The following ZNF704 variants were observed in gnomAD, a reference collection of about 807,000 sequenced individuals.
ZNF704 encodes glucocorticoid induced gene 1.
A neutral mutation model predicts 44.7 loss-of-function variants in ZNF704; 10 were observed. The observed-to-expected ratio is 0.22, with a 90% confidence interval of 0.14 to 0.38. The LOEUF (loss-of-function observed/expected upper bound fraction) is 0.38, where lower values mean the gene tolerates loss of function less well. Among genes scored for constraint, ZNF704 ranks in the 10% least tolerant of loss-of-function variants. The probability of loss-of-function intolerance (pLI) is 1.00; values close to 1 mark genes in which losing one functional copy is unlikely to be tolerated. For synonymous variants in ZNF704, 211 were observed against 207.6 expected (o/e 1.02, Z -0.14); for missense variants, 390 against 545.5 (o/e 0.71, Z 2.84).
rs1204989363 is a variant in ZNF704 at position 80,635,110 on chromosome 8, T to C, written c.*6256A>G. 1 of 152,230 alleles carries C rather than the reference T, an allele frequency of 6.6e-6. No homozygotes were observed. Among genetic ancestry groups the C allele is most frequent in the East Asian group, 1.9e-4 (1 of 5,202 alleles). 9.4% of individuals were successfully genotyped at this position (152,230 alleles called of 1,614,324 possible). On this transcript the variant is annotated 3_prime_UTR_variant, in exon 9 of 9. Coordinates refer to ENST00000327835, the MANE Select transcript of ZNF704 (RefSeq NM_001033723.3). Reference sequence around the variant, plus strand: ...TGTTCTATCTCAGCTTTGCTTTTGATGTTATCTGCATACTTGGCTAATTAG... The same window carrying C: ...TGTTCTATCTCAGCTTTGCTTTTGACGTTATCTGCATACTTGGCTAATTAG...
intron 1 of ZNF704, among the ~76,000 whole-genome samples, chr8:80,824,420 G>A (rs1371075290): frequency 2.0e-5 from 3 of 152,168 alleles, no homozygotes; most frequent in African/African-American, 7.2e-5. Flanking sequence ...AGAAATATGG[G>A]ACTATGTGAA....
intron 1 of ZNF704, among the ~76,000 whole-genome samples, chr8:80,833,806 CAT>C (rs1465902442): frequency 6.6e-6 from 1 of 152,102 alleles, no homozygotes; most frequent in Non-Finnish European, 1.5e-5. Flanking sequence ...CTGGTTTAAT[CAT>C]AGGGCTGCCA....
intron 1 of ZNF704, among the ~76,000 whole-genome samples, chr8:80,843,971 GTATATATA>G (rs143495397): frequency 1.4e-5 from 2 of 143,282 alleles, no homozygotes; most frequent in African/African-American, 5.1e-5. Context: ...ATATATATGT[GTATATATA>G]TATATATATA....
At chr8:80,661,200 A>G (rs1018787204) in intron 6 of ZNF704, among the ~76,000 whole-genome samples, 3 of 152,204 alleles carry the variant, frequency 2.0e-5, no homozygotes, top group Non-Finnish European at 4.4e-5. Context: ...AAAATGCTCA[A>G]CGTCACTAAT....
chr8:80,641,608 C>CT, intron 8 of ZNF704, 131 bp from the exon 9 acceptor site: 1 of 525,160 alleles, frequency 1.9e-6, no homozygotes, highest in Non-Finnish European at 3.3e-6. Context: ...TGGCTCATGC[C>CT]TGTAATCCCA....
chr8:80,720,799 G>C (rs890479304), intron 2 of ZNF704, among the ~76,000 whole-genome samples: 2 of 152,210 alleles, frequency 1.3e-5, no homozygotes, highest in Non-Finnish European at 2.9e-5. Context: ...ACAGCCACTT[G>C]GAAGCTTAAA....
chr8:80,806,413 C>A (rs1438309393), intron 2 of ZNF704, among the ~76,000 whole-genome samples: 1 of 152,110 alleles, frequency 6.6e-6, no homozygotes, highest in East Asian at 1.9e-4. Context: ...TGTTTTACAG[C>A]TATTATCTGG....
chr8:80,652,011 A>T (rs1286923074), intron 7 of ZNF704, among the ~76,000 whole-genome samples: 3 of 152,060 alleles, frequency 2.0e-5, no homozygotes, highest in Non-Finnish European at 4.4e-5. Context: ...GGATTAAGAA[A>T]CTCACTCAAA....
chr8:80,663,328 T>G (rs1057016204), intron 6 of ZNF704, among the ~76,000 whole-genome samples: 1 of 149,676 alleles, frequency 6.7e-6, no homozygotes, highest in Non-Finnish European at 1.5e-5. Context: ...CTGCAGTGAA[T>G]TGCACTCCAG....
chr8:80,820,922 A>AT (rs1389017256), intron 2 of ZNF704, among the ~76,000 whole-genome samples: 1 of 152,138 alleles, frequency 6.6e-6, no homozygotes, highest in Non-Finnish European at 1.5e-5. Flanking sequence ...GAAAAAAAAA[A>AT]AAAGTAAAAC....
At chr8:80,664,705 G>A (rs1354679297) in intron 6 of ZNF704, 110 bp downstream of exon 6, 15 of 1,334,178 alleles carry the variant, frequency 1.1e-5, no homozygotes, top group Non-Finnish European at 1.6e-5. Context: ...CTACCGGGCT[G>A]CCGTGTGTGA....
At chr8:80,672,743 G>A (rs1007933965) in intron 4 of ZNF704, among the ~76,000 whole-genome samples, 3 of 152,120 alleles carry the variant, frequency 2.0e-5, no homozygotes, top group Non-Finnish European at 4.4e-5. Context: ...GGAAATAACA[G>A]ACACTGGGGA....
chr8:80,841,161 C>T (rs1207858445), intron 1 of ZNF704, among the ~76,000 whole-genome samples: 1 of 152,234 alleles, frequency 6.6e-6, no homozygotes, highest in African/African-American at 2.4e-5. Context: ...ACCTTTGCCA[C>T]TGTGTTTGCC....
Position 80,641,299 on chromosome 8 carries a change from AAC to A in ZNF704, c.*65_*66del. ...TTATTCAGTAGGAAAAGCTCTTTCCAACACCTGCAGTGGCAGGCCAGGGCAGG... is the reference window on the plus strand; with the variant it reads ...TTATTCAGTAGGAAAAGCTCTTTCCAACCTGCAGTGGCAGGCCAGGGCAGG... On this transcript the variant is annotated 3_prime_UTR_variant, in exon 9 of 9. Coordinates refer to ENST00000327835, the MANE Select transcript of ZNF704 (RefSeq NM_001033723.3). 9.0e-7 allele frequency: 1 copy of A among 1,108,420 alleles called. No individual in the cohort carries two copies. Among genetic ancestry groups the A allele is most frequent in the East Asian group, 2.5e-5 (1 of 40,200 alleles). The allele number at this position is 1,108,420 out of a possible 1,614,324, so 68.7% of individuals were successfully genotyped here.
rs1049645858 is a variant in ZNF704 at position 80,691,821 on chromosome 8, T to C, written c.325+1183A>G. ...GCAACTTCAGCTCTTGAACCAAACA[T>C]TTGCCAATACATCTCTTCCTGTGCG... On this transcript the variant is annotated intron_variant, in intron 3 of 8. Coordinates refer to ENST00000327835, the MANE Select transcript of ZNF704 (RefSeq NM_001033723.3). Among the ~76,000 whole-genome samples the C allele has an allele frequency of 4.6e-5, 7 of 152,286 alleles. No individual in the cohort carries two copies. The South Asian group carries it at 6.2e-4, about 14-fold the overall frequency.
intron 2 of ZNF704, among the ~76,000 whole-genome samples, chr8:80,796,650 T>C (rs759779417): frequency 2.0e-5 from 3 of 152,206 alleles, no homozygotes; most frequent in Admixed American, 1.3e-4. Context: ...AAATAAGTTA[T>C]CTACTTCCAA....
chr8:80,709,923 CA>C (rs1818959139), intron 2 of ZNF704, among the ~76,000 whole-genome samples: 1 of 152,178 alleles, frequency 6.6e-6, no homozygotes, highest in Non-Finnish European at 1.5e-5. Context: ...ATCCCCTCCA[CA>C]AGTGCTATTT....
At chr8:80,759,717 C>A (rs1296914650) in intron 2 of ZNF704, among the ~76,000 whole-genome samples, 1 of 152,156 alleles carries the variant, frequency 6.6e-6, no homozygotes, top group Non-Finnish European at 1.5e-5. Context: ...GAGGATCCCT[C>A]CCCACTTGAG....
At chr8:80,741,566 C>T (rs754971240) in intron 2 of ZNF704, among the ~76,000 whole-genome samples, 3 of 152,160 alleles carry the variant, frequency 2.0e-5, no homozygotes, top group Non-Finnish European at 4.4e-5. Context: ...ATACTCACTG[C>T]TAAAGGAGAC....
Sources: gnomAD v4.1 joint callset for allele counts (sites outside exome capture counted in the v4.1 genomes callset) on GRCh38, gnomAD v4.1.1 for gene constraint, MANE v1.5 for transcripts, NCBI Gene and HGNC (gene_info 2026-07-23, HGNC 2026-07-21) for gene names.